COL19A1: variants seen among roughly 807,000 people sequenced by gnomAD.
The protein encoded by COL19A1 is collagen alpha-1(XIX) chain.
Under a neutral mutation model 190.2 loss-of-function variants are expected in COL19A1, and 159 were observed. That is an observed-to-expected ratio of 0.84 (90% CI 0.73 to 0.95). The LOEUF (loss-of-function observed/expected upper bound fraction) is 0.95, where lower values mean the gene tolerates loss of function less well. COL19A1 is among the 40% of genes least tolerant of loss of function. The pLI is 0.00. For synonymous variants in COL19A1, 509 were observed against 458.9 expected (o/e 1.11, Z -1.39); for missense variants, 1,418 against 1,431.9 (o/e 0.99, Z 0.16).
At chr6:70,199,992 A>C in intron 49 of COL19A1, 1 of 323,830 alleles carries the variant, frequency 3.1e-6, no homozygotes, top group South Asian at 3.0e-5. Flanking sequence ...ATGTATTGTA[A>C]AAATAATATT....
chr6:69,912,445 A>T (rs1358988727), intron 4 of COL19A1, among the ~76,000 whole-genome samples: 1 of 152,182 alleles, frequency 6.6e-6, no homozygotes, highest in African/African-American at 2.4e-5. Context: ...ACATGTGTTC[A>T]TGTTCAAAAG....
rs572212292 is a variant in COL19A1 at position 69,930,857 on chromosome 6, A to T, written c.666+1157A>T. On this transcript the variant is annotated intron_variant, in intron 6 of 50. Transcript: ENST00000620364. ...TTGATCCCACAATTTGAGGCTAAAG[A>T]ATATCACGTGAATCCTTATAAAAAG... Among the ~76,000 whole-genome samples, 9 of 152,246 alleles carry T rather than the reference A, an allele frequency of 5.9e-5. No homozygotes were observed. The East Asian group carries it at 7.7e-4, about 13-fold the overall frequency.
chr6:70,072,246 A>C (rs1003822301), intron 15 of COL19A1, among the ~76,000 whole-genome samples: 6 of 152,322 alleles, frequency 3.9e-5, no homozygotes, highest in South Asian at 2.1e-4. Context: ...GACTCTCCCC[A>C]AAAATAATGA....
intron 14 of COL19A1, 106 bp from the exon 15 acceptor site, chr6:70,068,317 A>G (rs1781363779): frequency 1.3e-6 from 1 of 791,558 alleles, no homozygotes; most frequent in East Asian, 2.5e-5. Context: ...AAATTACTTT[A>G]AAAGTTTGTT....
chr6:70,000,444 A>G (rs991488010), intron 11 of COL19A1, among the ~76,000 whole-genome samples: 1 of 152,220 alleles, frequency 6.6e-6, no homozygotes, highest in Non-Finnish European at 1.5e-5. Flanking sequence ...GAAATGCCAC[A>G]CCATCTTCCA....
At chr6:70,200,895 G>GT (rs897841174) in intron 49 of COL19A1, among the ~76,000 whole-genome samples, 210 of 152,000 alleles carry the variant, frequency 1.4e-3, no homozygotes, top group African/African-American at 2.4e-3. Flanking sequence ...AATCTCTCTA[G>GT]TTTTTTTTAA....
At chr6:70,018,473 G>C (rs1164129871) in intron 11 of COL19A1, among the ~76,000 whole-genome samples, 1 of 152,074 alleles carries the variant, frequency 6.6e-6, no homozygotes, top group African/African-American at 2.4e-5. Context: ...ACTGGAGTTA[G>C]CTCCATCAGA....
At position 70,188,056 on chromosome 6, in the gene COL19A1, A is replaced by G. The variant is rs1211958749; in HGVS notation, c.2857-19A>G. Reference sequence around the variant, plus strand: ...ATGCTAGAAGAGATTATTCTTTGTTATTATTTTTTCCTTAACAGGGTGATC... The same window carrying G: ...ATGCTAGAAGAGATTATTCTTTGTTGTTATTTTTTCCTTAACAGGGTGATC... On this transcript the variant is annotated intron_variant, in intron 46 of 50. Transcript: ENST00000620364. 1 of 1,611,822 alleles carries G rather than the reference A, an allele frequency of 6.2e-7. No individual in the cohort carries two copies. The highest frequency in any genetic ancestry group is 8.5e-7 in the Non-Finnish European group (1 of 1,179,374).
At chr6:70,040,096 T>A (rs1357745334) in intron 14 of COL19A1, among the ~76,000 whole-genome samples, 1 of 152,142 alleles carries the variant, frequency 6.6e-6, no homozygotes, top group Admixed American at 6.5e-5. Context: ...TATTTTTGTG[T>A]CCCTGTGGAT....
intron 32 of COL19A1, 24 bp downstream of exon 32, chr6:70,156,255 A>C (rs932667090): frequency 6.2e-7 from 1 of 1,613,112 alleles, no homozygotes; most frequent in Non-Finnish European, 8.5e-7. Flanking sequence ...CTGAATGTTT[A>C]CGATCCCTGT....
intron 16 of COL19A1, among the ~76,000 whole-genome samples, chr6:70,117,139 C>A (rs574468037): frequency 6.6e-6 from 1 of 152,260 alleles, no homozygotes; most frequent in African/African-American, 2.4e-5. Flanking sequence ...TCACAATGTG[C>A]AGAGTGTGCT....
At chr6:70,072,336 G>T (rs541035215) in intron 15 of COL19A1, among the ~76,000 whole-genome samples, 1 of 152,040 alleles carries the variant, frequency 6.6e-6, no homozygotes, top group South Asian at 2.1e-4. Flanking sequence ...CAAGGTTAGC[G>T]TGAAGCTACC....
chr6:70,105,375 C>G (rs1004885425), intron 16 of COL19A1, among the ~76,000 whole-genome samples: 93 of 152,236 alleles, frequency 6.1e-4, no homozygotes, highest in African/African-American at 2.2e-3. Flanking sequence ...CCAGGATGGT[C>G]TCGATCTCTT....
rs868339216 is a variant in COL19A1 at position 70,009,729 on chromosome 6, T to G, written c.1027-13898T>G. Among the ~76,000 whole-genome samples, 28 of 138,088 alleles carry G rather than the reference T, an allele frequency of 2.0e-4. 1 individual carries two copies. Among genetic ancestry groups the G allele is most frequent in the African/African-American group, 9.3e-4 (27 of 29,014 alleles). The allele number at this position is 138,088 out of a possible 152,430, so 90.6% of individuals were successfully genotyped here. ...ATAATCAAGGAAGTGTGGCATCAGC[T>G]TAAAGATAGACAAATAGACAAATGG... On this transcript the variant is annotated intron_variant, in intron 11 of 50. Transcript: ENST00000620364.
chr6:70,043,963 T>C (rs918005015), intron 14 of COL19A1, among the ~76,000 whole-genome samples: 1 of 152,258 alleles, frequency 6.6e-6, no homozygotes, highest in Non-Finnish European at 1.5e-5. Context: ...AACTGCTTTG[T>C]TGACATTGAA....
rs1262704983 is a variant in COL19A1, at chr6:69,866,573, T to G, written c.-100T>G. ...CCTTCCCCACTCGCAGGGAGCTCAC[T>G]CCTCGGCGGTGCCGCAGCCCTGTCC... is the stretch of plus-strand genomic sequence containing the variant. On this transcript the variant is annotated 5_prime_UTR_variant, in exon 1 of 51. Coordinates refer to ENST00000620364, the MANE Select transcript of COL19A1 (RefSeq NM_001858.6). 1.3e-5 allele frequency: 2 copies of G among 152,374 alleles called. No homozygotes were observed. The highest frequency in any genetic ancestry group is 2.9e-5 in the Non-Finnish European group (2 of 68,212). 9.4% of individuals were successfully genotyped at this position (152,374 alleles called of 1,614,324 possible). A position where few individuals can be genotyped will look rare whatever the true frequency, so the allele number is the denominator to read the frequency against.
In COL19A1 at chr6:70,141,937, C is replaced by T. The variant is rs1363839635; in HGVS notation, c.1518+9C>T. ...GATCACAGGGAGTAAAGGTAATTTC[C>T]TGGCATTCTTCAATTTCCTCTCCAA... On this transcript the variant is annotated intron_variant, in intron 21 of 50. Coordinates refer to ENST00000620364, the MANE Select transcript of COL19A1 (RefSeq NM_001858.6). The T allele has an allele frequency of 5.0e-6, 8 of 1,607,224 alleles. No homozygotes were observed. The highest frequency in any genetic ancestry group is 6.0e-6 in the Non-Finnish European group (7 of 1,174,360).
intron 42 of COL19A1, 22 bp downstream of exon 42, chr6:70,176,586 T>C: frequency 6.2e-7 from 1 of 1,611,568 alleles, no homozygotes; most frequent in Non-Finnish European, 8.5e-7. Flanking sequence ...TTACTTCACA[T>C]CATTTTCACA....
intron 15 of COL19A1, among the ~76,000 whole-genome samples, chr6:70,074,854 G>A (rs3793048): frequency 2.0e-5 from 3 of 152,000 alleles, no homozygotes; most frequent in Non-Finnish European, 2.9e-5. Flanking sequence ...TCACTAAAAC[G>A]ATGACTGGTG....
Sources: allele counts gnomAD v4.1 joint callset (sites outside exome capture counted in the v4.1 genomes callset), GRCh38; gene constraint gnomAD v4.1.1; transcripts MANE v1.5; gene names NCBI Gene and HGNC (gene_info 2026-07-23, HGNC 2026-07-21).